Variants in KCNK2 observed in about 807,000 individuals in gnomAD.
KCNK2 encodes potassium two pore domain channel subfamily K member 2.
In KCNK2, 21 loss-of-function variants were observed where a neutral mutation model predicts 40.5. That is an observed-to-expected ratio of 0.52 (90% CI 0.37 to 0.75). The LOEUF is 0.75. Among genes scored for constraint, KCNK2 ranks in the 30% least tolerant of loss-of-function variants. The pLI, the probability that KCNK2 is intolerant of heterozygous loss-of-function variation, is 0.00. For synonymous variants in KCNK2, 191 were observed against 202.2 expected (o/e 0.94, Z 0.47); for missense variants, 399 against 531.6 (o/e 0.75, Z 2.45).
chr1:215,143,616 A>G (rs1225761265), intron 3 of KCNK2, among the ~76,000 whole-genome samples: 1 of 152,144 alleles, frequency 6.6e-6, no homozygotes, highest in Non-Finnish European at 1.5e-5. Context: ...AATGTGCCTA[A>G]TCATGCAGCA....
intron 6 of KCNK2, among the ~76,000 whole-genome samples, chr1:215,211,329 T>A (rs1042177497): frequency 3.3e-5 from 5 of 152,132 alleles, no homozygotes; most frequent in African/African-American, 1.2e-4. Flanking sequence ...TCAGCAGTGC[T>A]CTTTTCCCAG....
At chr1:215,089,227 G>A (rs1196825017) in intron 2 of KCNK2, among the ~76,000 whole-genome samples, 1 of 152,150 alleles carries the variant, frequency 6.6e-6, no homozygotes, top group Admixed American at 6.5e-5. Flanking sequence ...TTAAGGATTA[G>A]ATAGCATCAT....
At chr1:215,021,674 T>C (rs944277769) in intron 1 of KCNK2, among the ~76,000 whole-genome samples, 4 of 150,808 alleles carry the variant, frequency 2.7e-5, no homozygotes, top group Non-Finnish European at 5.9e-5. Flanking sequence ...GCCTCCCGAT[T>C]AACTGGGACT....
chr1:215,159,403 AT>A (rs1387548922), intron 3 of KCNK2, among the ~76,000 whole-genome samples: 1 of 152,156 alleles, frequency 6.6e-6, no homozygotes, highest in Non-Finnish European at 1.5e-5. Flanking sequence ...GCTGTGTTCC[AT>A]TGAGGAGACA....
rs1659219498 is a variant in KCNK2 at position 215,082,783 on chromosome 1, A to AGCGGAGGGCTGCAGAGCT, written c.-598_-581dup. ...CAGGAGCGAGCCGGGAAGGGAGAGC[A>AGCGGAGGGCTGCAGAGCT]GCGGAGGGCTGCAGAGCTGCGGGCG... On this transcript the variant is annotated 5_prime_UTR_variant, in exon 1 of 7. Transcript: ENST00000444842. 6.6e-6 allele frequency among the ~76,000 whole-genome samples: 1 copy of AGCGGAGGGCTGCAGAGCT among 152,048 alleles called. No individual in the cohort carries two copies. Among genetic ancestry groups the AGCGGAGGGCTGCAGAGCT allele is most frequent in the African/African-American group, 2.4e-5 (1 of 41,436 alleles).
chr1:215,192,965 T>G (rs1664726551), intron 5 of KCNK2, among the ~76,000 whole-genome samples: 1 of 152,148 alleles, frequency 6.6e-6, no homozygotes, highest in South Asian at 2.1e-4. Context: ...TATGAGCAAC[T>G]TAAAATTTAA....
chr1:215,031,585 G>GT, intron 1 of KCNK2, among the ~76,000 whole-genome samples: 1 of 152,228 alleles, frequency 6.6e-6, no homozygotes, highest in East Asian at 1.9e-4. Flanking sequence ...TTGGATTAGG[G>GT]TGCTGAGTTG....
At chr1:215,014,479 G>A (rs1472890784) in intron 1 of KCNK2, among the ~76,000 whole-genome samples, 1 of 151,640 alleles carries the variant, frequency 6.6e-6, no homozygotes, top group Non-Finnish European at 1.5e-5. Context: ...GTATTGTAGT[G>A]TTATATTTAA....
chr1:215,122,711 A>G (rs1411656779), intron 2 of KCNK2, among the ~76,000 whole-genome samples: 1 of 146,294 alleles, frequency 6.8e-6, no homozygotes, highest in Non-Finnish European at 1.5e-5. Flanking sequence ...ATTCGCTACT[A>G]TACATCAAAT....
intron 3 of KCNK2, among the ~76,000 whole-genome samples, chr1:215,151,830 G>T (rs1029473535): frequency 2.0e-5 from 3 of 151,942 alleles, no homozygotes; most frequent in Non-Finnish European, 4.4e-5. Context: ...GTAGTGTGGG[G>T]AATAAGAACC....
chr1:215,164,934 A>G (rs1423817917), intron 3 of KCNK2, among the ~76,000 whole-genome samples: 1 of 152,186 alleles, frequency 6.6e-6, no homozygotes, highest in African/African-American at 2.4e-5. Flanking sequence ...TTAATAAAAA[A>G]TTTTGAATGT....
chr1:215,153,575 TA>T (rs1662780418), intron 3 of KCNK2, among the ~76,000 whole-genome samples: 4 of 149,482 alleles, frequency 2.7e-5, no homozygotes, highest in African/African-American at 1.0e-4. Context: ...TATATATATA[TA>T]TATATTTTTT....
chr1:215,008,871 T>A (rs1293071437), intron 1 of KCNK2, among the ~76,000 whole-genome samples: 1 of 152,138 alleles, frequency 6.6e-6, no homozygotes, highest in Non-Finnish European at 1.5e-5. Context: ...ATGCTTTTTT[T>A]TTAAAGAAAG....
chr1:215,152,011 G>T (rs1662705093), intron 3 of KCNK2, among the ~76,000 whole-genome samples: 1 of 151,992 alleles, frequency 6.6e-6, no homozygotes. Flanking sequence ...TTGTTTAGAG[G>T]CTTATGTTGA....
intron 5 of KCNK2, among the ~76,000 whole-genome samples, chr1:215,172,983 A>G (rs893470316): frequency 3.3e-5 from 5 of 151,984 alleles, no homozygotes; most frequent in Non-Finnish European, 7.4e-5. Context: ...TAAAATATAT[A>G]TATTTTTATT....
intron 6 of KCNK2, among the ~76,000 whole-genome samples, chr1:215,207,585 A>T (rs989945332): frequency 6.6e-6 from 1 of 152,216 alleles, no homozygotes; most frequent in African/African-American, 2.4e-5. Context: ...CTTGACTTAC[A>T]TGTCTGTGAG....
intron 6 of KCNK2, among the ~76,000 whole-genome samples, chr1:215,230,559 C>CAT (rs71167818): frequency 0.69 from 74,752 of 108,288 alleles, 26,289 homozygotes; most frequent in Non-Finnish European, 0.76. Context: ...ACATAACAGC[C>CAT]ATATATATAT....
intron 5 of KCNK2, among the ~76,000 whole-genome samples, chr1:215,193,201 A>G (rs1664737221): frequency 1.3e-5 from 2 of 152,076 alleles, no homozygotes; most frequent in South Asian, 4.1e-4. Context: ...TTTCTCTACA[A>G]TAATGTTATA....
intron 6 of KCNK2, among the ~76,000 whole-genome samples, chr1:215,228,489 C>T (rs939134880): frequency 1.3e-5 from 2 of 152,154 alleles, no homozygotes; most frequent in Non-Finnish European, 2.9e-5. Context: ...GGGCTGTGAG[C>T]ATCATGTGAA....
Sources: allele counts gnomAD v4.1 joint callset (sites outside exome capture counted in the v4.1 genomes callset), GRCh38; gene constraint gnomAD v4.1.1; transcripts MANE v1.5; gene names NCBI Gene and HGNC (gene_info 2026-07-23, HGNC 2026-07-21).